Variants in FREM2 observed in about 807,000 individuals in gnomAD.
The protein encoded by FREM2 is FRAS1 related extracellular matrix 2.
In FREM2, 119 loss-of-function variants were observed where a neutral mutation model predicts 219.9. The ratio of observed to expected loss-of-function variants is 0.54; its 90% CI spans 0.47 to 0.63. FREM2 has a LOEUF of 0.63. Among genes scored for constraint, FREM2 ranks in the 30% least tolerant of loss-of-function variants. The pLI is 0.00. For missense variants in FREM2, 4,030 were observed against 3,993.6 expected, an observed-to-expected ratio of 1.01 and a Z score of -0.25; for synonymous variants, 1,562 against 1,522.8, an observed-to-expected ratio of 1.03 and a Z score of -0.60.
intron 1 of FREM2, 51 bp from the exon 2 acceptor site, chr13:38,697,647 C>A (rs2138079129): frequency 3.9e-6 from 4 of 1,038,230 alleles, no homozygotes; most frequent in South Asian, 2.5e-5. Context: ...CATAATGAAT[C>A]ATCAATTTTA....
At chr13:38,826,101 A>C (rs772796411) in intron 6 of FREM2, among the ~76,000 whole-genome samples, 2 of 152,106 alleles carry the variant, frequency 1.3e-5, no homozygotes, top group African/African-American at 2.4e-5. Flanking sequence ...AGCACCTACT[A>C]TCCTTCCAAT....
At chr13:38,872,281 T>C (rs534354400) in intron 16 of FREM2, among the ~76,000 whole-genome samples, 6 of 152,312 alleles carry the variant, frequency 3.9e-5, no homozygotes, top group Admixed American at 3.9e-4. Flanking sequence ...TTCCAGGGAC[T>C]GACGGGGAGG....
At position 38,880,995 on chromosome 13, in the gene FREM2, C is replaced by G. The variant is rs1878526958; in HGVS notation, c.*208C>G. The G allele has an allele frequency of 1.5e-6, 1 of 646,680 alleles. No individual in the cohort carries two copies. The highest frequency in any genetic ancestry group is 1.8e-5 in the African/African-American group (1 of 55,450). 40.1% of individuals were successfully genotyped at this position (646,680 alleles called of 1,614,324 possible). On this transcript the variant is annotated 3_prime_UTR_variant, in exon 24 of 24. Transcript: ENST00000280481. ...AATTAAGGCATCTTTCCTCTTGCCC[C>G]AAAGGCAGCAACAACGTACTCATAT...
At position 38,689,082 on chromosome 13, in the gene FREM2, C is replaced by T; in HGVS notation, c.1738C>T (p.Leu580=). The T allele has an allele frequency of 6.2e-7, 1 of 1,613,990 alleles. No individual in the cohort carries two copies. The highest frequency in any genetic ancestry group is 8.5e-7 in the Non-Finnish European group (1 of 1,180,008). Residue 580 remains leucine, a synonymous_variant, in exon 1 of 24, where the codon CTG becomes TTG. Coordinates refer to ENST00000280481, the MANE Select transcript of FREM2 (RefSeq NM_207361.6). ...TLAEGETVPI[L]PLSLSATDMD... is the part of the protein sequence containing the mutation. ...GGCAGAGGGTGAAACAGTGCCCATCCTGCCCCTTTCCCTGAGTGCAACTGA... is the reference window on the plus strand; with the variant it reads ...GGCAGAGGGTGAAACAGTGCCCATCTTGCCCCTTTCCCTGAGTGCAACTGA...
chr13:38,849,974 C>A, intron 8 of FREM2, 64 bp from the exon 9 acceptor site: 1 of 1,304,672 alleles, frequency 7.7e-7, no homozygotes, highest in Non-Finnish European at 1.1e-6. Context: ...CACTAAATCA[C>A]ATCTTCTGAA....
At chr13:38,857,822 G>A in intron 12 of FREM2, 53 bp from the exon 13 acceptor site, 2 of 1,447,456 alleles carry the variant, frequency 1.4e-6, no homozygotes, top group South Asian at 2.3e-5. Flanking sequence ...TGTGGTAGAA[G>A]CATCAAAAGT....
At chr13:38,712,136 C>T (rs1382813376) in intron 2 of FREM2, among the ~76,000 whole-genome samples, 1 of 151,772 alleles carries the variant, frequency 6.6e-6, no homozygotes, top group Non-Finnish European at 1.5e-5. Flanking sequence ...CCTCGTGATC[C>T]ACCTGCCTCG....
chr13:38,691,723 T>C lies in FREM2; in HGVS notation c.4379T>C (p.Ile1460Thr), dbSNP rs1241406938. 6.2e-7 allele frequency: 1 copy of C among 1,613,528 alleles called. No individual in the cohort carries two copies. Among genetic ancestry groups the C allele is most frequent in the East Asian group, 2.2e-5 (1 of 44,884 alleles). Residue 1460 changes from isoleucine to threonine, a missense_variant, in exon 1 of 24, where the codon ATC becomes ACC. Around this residue, in one of 2 missense-constraint regions of FREM2, gnomAD observed 3,102 missense variants for 2,950.7 expected, o/e 1.05. Coordinates refer to ENST00000280481, the MANE Select transcript of FREM2 (RefSeq NM_207361.6). ...NSPDENLVFT[I>T]TRAPMRGHLE... Reference sequence around the variant, plus strand: ...CCTGATGAAAACTTGGTTTTTACCATCACCAGGGCTCCCATGCGAGGTCAC... The same window carrying C: ...CCTGATGAAAACTTGGTTTTTACCACCACCAGGGCTCCCATGCGAGGTCAC...
At chr13:38,806,119 G>A (rs1193446466) in intron 6 of FREM2, among the ~76,000 whole-genome samples, 1 of 151,688 alleles carries the variant, frequency 6.6e-6, no homozygotes, top group African/African-American at 2.4e-5. Flanking sequence ...GTGAGGGTGA[G>A]TGAGTCATTC....
At chr13:38,784,464 C>T (rs1874244303) in intron 5 of FREM2, 93 bp from the exon 6 acceptor site, 1 of 1,390,308 alleles carries the variant, frequency 7.2e-7, no homozygotes, top group Admixed American at 1.7e-5. Context: ...TACTAACTGA[C>T]CATTAAAATG....
At chr13:38,847,275 C>A (rs1877198987) in intron 7 of FREM2, among the ~76,000 whole-genome samples, 1 of 151,352 alleles carries the variant, frequency 6.6e-6, no homozygotes. Context: ...AAGTTTACAG[C>A]AAGCATAGAA....
At chr13:38,834,865 T>C in intron 6 of FREM2, among the ~76,000 whole-genome samples, 1 of 152,348 alleles carries the variant, frequency 6.6e-6, no homozygotes, top group East Asian at 1.9e-4. Flanking sequence ...ATCAGATGAA[T>C]AGATTGCAAA....
intron 11 of FREM2, among the ~76,000 whole-genome samples, chr13:38,852,701 C>T (rs1016905829): frequency 2.0e-5 from 3 of 148,826 alleles, no homozygotes; most frequent in Non-Finnish European, 4.5e-5. Flanking sequence ...GCCATGTCAC[C>T]ATCTTTTTTT....
chr13:38,699,479 T>C (rs1870255229), intron 2 of FREM2, among the ~76,000 whole-genome samples: 1 of 152,046 alleles, frequency 6.6e-6, no homozygotes, highest in African/African-American at 2.4e-5. Context: ...AGGGGCTCGG[T>C]TTATGTTTGA....
chr13:38,722,759 T>G (rs1262976569), intron 2 of FREM2, among the ~76,000 whole-genome samples: 1 of 151,732 alleles, frequency 6.6e-6, no homozygotes, highest in African/African-American at 2.4e-5. Flanking sequence ...TTTTTTTTTT[T>G]TCATCCTACT....
chr13:38,875,231 ACATGGAGAGTCAAATAAAAAATAAGC>A (rs939334488), intron 18 of FREM2, among the ~76,000 whole-genome samples: 1 of 151,924 alleles, frequency 6.6e-6, no homozygotes, highest in African/African-American at 2.4e-5. Context: ...CAGTTTAGTA[ACATGGAGAGTCAAATAAAAAATAAGC>A]CATTTTTCTG....
rs556552777 is a variant in FREM2 at position 38,697,307 on chromosome 13, G to A, written c.5174-391G>A. Among the ~76,000 whole-genome samples, 3 of 152,278 alleles carry A rather than the reference G, an allele frequency of 2.0e-5. No homozygotes were observed. The Middle Eastern group carries it at 0.01, about 518-fold the overall frequency. On this transcript the variant is annotated intron_variant, in intron 1 of 23. Coordinates refer to ENST00000280481, the MANE Select transcript of FREM2 (RefSeq NM_207361.6). ...CCTCTGCGGGCCAGTTCCCTACTGG[G>A]AGGCAAAGGATGTGATTTCAAGAGT...
intron 2 of FREM2, among the ~76,000 whole-genome samples, chr13:38,711,437 A>G (rs990453970): frequency 3.3e-5 from 5 of 152,278 alleles, no homozygotes; most frequent in Admixed American, 2.0e-4. Context: ...GGAAATATTA[A>G]TGAATCACTT....
In FREM2 at chr13:38,881,361, A is replaced by T. The variant is rs577281366; in HGVS notation, c.*574A>T. Reference sequence around the variant, plus strand: ...CTACTACTTGGGAGACAGTGGAAGGAAAGATAGAGGGAAGGAAGTTCACTC... The same window carrying T: ...CTACTACTTGGGAGACAGTGGAAGGTAAGATAGAGGGAAGGAAGTTCACTC... On this transcript the variant is annotated 3_prime_UTR_variant, in exon 24 of 24. Transcript: ENST00000280481. The T allele has an allele frequency of 1.3e-5, 2 of 154,862 alleles. 1 individual carries two copies. Among genetic ancestry groups the T allele is most frequent in the South Asian group, 4.1e-4 (2 of 4,938 alleles). 9.6% of individuals were successfully genotyped at this position (154,862 alleles called of 1,614,324 possible). A position where few individuals can be genotyped will look rare whatever the true frequency, so the allele number is the denominator to read the frequency against.
Sources: gnomAD v4.1 joint callset for allele counts (sites outside exome capture counted in the v4.1 genomes callset) on GRCh38, gnomAD v4.1.1 for gene constraint, gnomAD v4.1.1 regional missense constraint, MANE v1.5 for transcripts, NCBI Gene and HGNC (gene_info 2026-07-23, HGNC 2026-07-21) for gene names.